FRMD3: variants seen among roughly 807,000 people sequenced by gnomAD.
The protein encoded by FRMD3 is FERM domain containing 3.
A neutral mutation model predicts 70.2 loss-of-function variants in FRMD3; 33 were observed. The observed-to-expected ratio is 0.47, with a 90% CI of 0.36 to 0.63. The LOEUF (loss-of-function observed/expected upper bound fraction) is 0.63. Among genes scored for constraint, FRMD3 ranks in the 20% least tolerant of loss-of-function variants. FRMD3 has a pLI of 0.00. For missense variants in FRMD3, 632 were observed against 711.4 expected, an observed-to-expected ratio of 0.89 and a Z score of 1.27; for synonymous variants, 279 against 255.9, an observed-to-expected ratio of 1.09 and a Z score of -0.86.
intron 1 of FRMD3, among the ~76,000 whole-genome samples, chr9:83,507,928 A>G (rs1182176798): frequency 1.3e-5 from 2 of 151,784 alleles, no homozygotes; most frequent in Non-Finnish European, 2.9e-5. Context: ...CGTACTGTAC[A>G]TAATTATATG....
At chr9:83,327,323 T>A (rs12115226) in intron 6 of FRMD3, among the ~76,000 whole-genome samples, 15,647 of 152,298 alleles carry the variant, frequency 0.1, 935 homozygotes, top group East Asian at 0.22. Flanking sequence ...TCCACACCAC[T>A]GGCTTCAAAT....
At chr9:83,534,517 CTCTGCCT>C (rs1221658486) in intron 1 of FRMD3, among the ~76,000 whole-genome samples, 1 of 152,188 alleles carries the variant, frequency 6.6e-6, no homozygotes, top group Non-Finnish European at 1.5e-5. Flanking sequence ...AAGGAGAATA[CTCTGCCT>C]TCTCCCCTTG....
In FRMD3 at chr9:83,411,303, C is replaced by T. The variant is rs543485965; in HGVS notation, c.148-21595G>A. On this transcript the variant is annotated intron_variant, in intron 1 of 13. Transcript: ENST00000304195. Reference sequence around the variant, plus strand: ...TTTTCCCTATGAAAATGTATTCATCCTCATCTTGAACTAACTTCTGAAATA... The same window carrying T: ...TTTTCCCTATGAAAATGTATTCATCTTCATCTTGAACTAACTTCTGAAATA... Among the ~76,000 whole-genome samples, 4 of 152,300 alleles carry T rather than the reference C, an allele frequency of 2.6e-5. No homozygotes were observed. In the South Asian group the frequency reaches 6.2e-4, roughly 24 times the overall value.
intron 1 of FRMD3, among the ~76,000 whole-genome samples, chr9:83,422,674 T>G (rs1826679132): frequency 6.6e-6 from 1 of 152,140 alleles, no homozygotes; most frequent in Non-Finnish European, 1.5e-5. Flanking sequence ...GAACTCTGCT[T>G]GGTAAAATAT....
intron 1 of FRMD3, among the ~76,000 whole-genome samples, chr9:83,427,561 C>T (rs895347452): frequency 6.6e-6 from 1 of 151,966 alleles, no homozygotes; most frequent in African/African-American, 2.4e-5. Flanking sequence ...GGTACAGGCA[C>T]CTAATAGGTA....
the FRMD3 span, among the ~76,000 whole-genome samples, chr9:83,557,746 G>T: frequency 7.2e-5 from 11 of 152,122 alleles, no homozygotes. Context: ...ATGAAGATCT[G>T]GGGGGAAAAA....
chr9:83,303,365 A>G (rs1442017804), intron 10 of FRMD3, among the ~76,000 whole-genome samples: 3 of 152,264 alleles, frequency 2.0e-5, no homozygotes, highest in African/African-American at 4.8e-5. Flanking sequence ...TAGAAGCTGC[A>G]GGAACCAGGC....
intron 1 of FRMD3, among the ~76,000 whole-genome samples, chr9:83,520,158 T>A (rs994190664): frequency 6.6e-6 from 1 of 152,026 alleles, no homozygotes; most frequent in Non-Finnish European, 1.5e-5. Context: ...AAAGGAAATA[T>A]GAAAATGGGG....
At chr9:83,348,086 T>G (rs745962438) in intron 4 of FRMD3, among the ~76,000 whole-genome samples, 4 of 152,172 alleles carry the variant, frequency 2.6e-5, no homozygotes, top group Non-Finnish European at 5.9e-5. Context: ...CATCCTTAAT[T>G]TATATTGTGA....
chr9:83,248,550 A>G (rs749779238), intron 13 of FRMD3, 34 bp from the exon 14 acceptor site: 3 of 1,527,612 alleles, frequency 2.0e-6, no homozygotes, highest in South Asian at 2.5e-5. Context: ...TAAATTTAAA[A>G]TTTCAGATTT....
intron 13 of FRMD3, among the ~76,000 whole-genome samples, chr9:83,272,854 C>T (rs1438649972): frequency 1.3e-5 from 2 of 149,158 alleles, no homozygotes; most frequent in Admixed American, 6.6e-5. Flanking sequence ...AGGTGAGGAG[C>T]GTCTCTGCCC....
intron 6 of FRMD3, among the ~76,000 whole-genome samples, chr9:83,325,438 C>T (rs1835974043): frequency 6.6e-6 from 1 of 152,052 alleles, no homozygotes; most frequent in Admixed American, 6.5e-5. Context: ...GTGATCCTCC[C>T]ACCTCAGCCT....
chr9:83,388,110 A>C (rs1825563520), intron 2 of FRMD3, among the ~76,000 whole-genome samples: 1 of 152,184 alleles, frequency 6.6e-6, no homozygotes, highest in Non-Finnish European at 1.5e-5. Flanking sequence ...AATCCTTCTG[A>C]GCTGTAATAC....
intron 1 of FRMD3, among the ~76,000 whole-genome samples, chr9:83,455,123 G>A (rs948972635): frequency 1.3e-5 from 2 of 152,156 alleles, no homozygotes; most frequent in Non-Finnish European, 2.9e-5. Flanking sequence ...AAAGAAAAAT[G>A]TAACAAACAA....
rs1042992855 is a variant in FRMD3, at chr9:83,504,603, C to T, written c.147+33482G>A. ...CCCAGGTATTCATTTGACTTCCCCC[C>T]CCACCACTTCTTTCAGGCCTCTCCT... On this transcript the variant is annotated intron_variant, in intron 1 of 13. Transcript: ENST00000304195. 2.6e-5 allele frequency among the ~76,000 whole-genome samples: 4 copies of T among 152,168 alleles called. No homozygotes were observed. In the South Asian group the frequency reaches 8.3e-4, roughly 32 times the overall value.
chr9:83,562,902 A>G, the FRMD3 span, among the ~76,000 whole-genome samples: 1 of 148,326 alleles, frequency 6.7e-6, no homozygotes, highest in African/African-American at 2.5e-5. Flanking sequence ...CCCCCCCCCC[A>G]GCACAGAGTT....
intron 3 of FRMD3, among the ~76,000 whole-genome samples, chr9:83,354,481 ACAG>A (rs1824271071): frequency 6.6e-6 from 1 of 152,172 alleles, no homozygotes; most frequent in South Asian, 2.1e-4. Context: ...GATGGAAACA[ACAG>A]ACGCTGGGGA....
chr9:83,439,865 T>C (rs186639915), intron 1 of FRMD3, among the ~76,000 whole-genome samples: 1 of 152,292 alleles, frequency 6.6e-6, no homozygotes, highest in Admixed American at 6.5e-5. Context: ...ATGCTAGCAG[T>C]TATAAAATAA....
At chr9:83,546,351 C>A in the FRMD3 span, among the ~76,000 whole-genome samples, 3 of 151,880 alleles carry the variant, frequency 2.0e-5, no homozygotes, top group South Asian at 2.1e-4. Context: ...AGCAAGACTG[C>A]GTCTCAAAAA....
Sources: allele counts gnomAD v4.1 joint callset (sites outside exome capture counted in the v4.1 genomes callset), GRCh38; gene constraint gnomAD v4.1.1; transcripts MANE v1.5; gene names NCBI Gene and HGNC (gene_info 2026-07-23, HGNC 2026-07-21).